The following EPHA4 variants were observed in gnomAD, a reference collection of about 807,000 sequenced individuals.
EPHA4 encodes the protein ephrin type-A receptor 4.
EPHA4 carries 19 observed loss-of-function variants against 108.3 expected under a neutral mutation model. That is an observed-to-expected ratio of 0.18 (90% CI 0.12 to 0.26). The LOEUF (loss-of-function observed/expected upper bound fraction) is 0.26, where lower values mean the gene tolerates loss of function less well. EPHA4 is among the 10% of genes least tolerant of loss of function. EPHA4 has a pLI of 1.00. For missense variants in EPHA4, 917 were observed against 1,254.0 expected, an observed-to-expected ratio of 0.73 and a Z score of 4.06; for synonymous variants, 449 against 455.5, an observed-to-expected ratio of 0.99 and a Z score of 0.18.
At chr2:221,527,313 G>T (rs571710877) in intron 3 of EPHA4, among the ~76,000 whole-genome samples, 1 of 152,270 alleles carries the variant, frequency 6.6e-6, no homozygotes, top group South Asian at 2.1e-4. Flanking sequence ...ATGTCCACGT[G>T]CACATATTCA....
upstream of EPHA4, chr2:221,573,540 C>A (rs946615106): frequency 2.0e-5 from 3 of 152,346 alleles, no homozygotes; most frequent in Non-Finnish European, 4.4e-5. The surrounding 1 kb of genome is among the most constrained non-coding windows in gnomAD (Gnocchi z 4.5). Flanking sequence ...AGCAATGAGG[C>A]CTCCCTTCCC....
chr2:221,492,895 T>G (rs1433954098), intron 4 of EPHA4, among the ~76,000 whole-genome samples: 1 of 152,240 alleles, frequency 6.6e-6, no homozygotes. Context: ...GAATGCAGTA[T>G]GAAACTATAC....
In EPHA4 at chr2:221,420,168, T is replaced by C. The variant is rs1176167497; in HGVS notation, c.*1204A>G. 6.6e-6 allele frequency: 1 copy of C among 152,638 alleles called. No homozygotes were observed. The highest frequency in any genetic ancestry group is 1.5e-5 in the Non-Finnish European group (1 of 68,042). The allele number at this position is 152,638 out of a possible 1,614,324, so 9.5% of individuals were successfully genotyped here. A position where few individuals can be genotyped will look rare whatever the true frequency, so the allele number is the denominator to read the frequency against. ...GTGTCCATAGTAAGACCTGTAGCATTTGGTCACTTGCTGCCACACCAATGC... is the reference window on the plus strand; with the variant it reads ...GTGTCCATAGTAAGACCTGTAGCATCTGGTCACTTGCTGCCACACCAATGC... On this transcript the variant is annotated 3_prime_UTR_variant, in exon 18 of 18. Transcript: ENST00000281821.
intron 3 of EPHA4, among the ~76,000 whole-genome samples, chr2:221,561,972 C>T (rs777579449): frequency 3.3e-5 from 5 of 152,184 alleles, no homozygotes; most frequent in Non-Finnish European, 7.3e-5. Context: ...AATGTGATGG[C>T]ATGTCATTGC....
Position 221,463,191 on chromosome 2 carries a change from C to T in EPHA4, c.1319-5201G>A, listed in dbSNP as rs537778816. ...GAACAGACTCTGTTTTTCCACATAC[C>T]AAATGGACACAAGTGAAATTGTAGC... On this transcript the variant is annotated intron_variant, in intron 5 of 17. Transcript: ENST00000281821. Among the ~76,000 whole-genome samples, 163 of 152,200 alleles carry T rather than the reference C, an allele frequency of 1.1e-3. 1 individual carries two copies. The highest frequency in any genetic ancestry group is 1.9e-3 in the Non-Finnish European group (126 of 68,014).
At chr2:221,498,074 A>G (rs1282206600) in intron 4 of EPHA4, among the ~76,000 whole-genome samples, 1 of 152,228 alleles carries the variant, frequency 6.6e-6, no homozygotes, top group Admixed American at 6.5e-5. Flanking sequence ...CCAGCAACAC[A>G]GACATATGGC....
chr2:221,548,713 G>C (rs2106196827), intron 3 of EPHA4, among the ~76,000 whole-genome samples: 1 of 152,224 alleles, frequency 6.6e-6, no homozygotes. Context: ...GGGATTGTTG[G>C]AAGAGCTTCT....
chr2:221,478,375 T>G (rs1404631270), intron 5 of EPHA4, among the ~76,000 whole-genome samples: 2 of 152,142 alleles, frequency 1.3e-5, no homozygotes, highest in Admixed American at 1.3e-4. Flanking sequence ...AGAAAACAAA[T>G]CACCCAGCAG....
chr2:221,418,389 T>G lies in EPHA4; in HGVS notation c.*2983A>C, dbSNP rs1230057663. The G allele has an allele frequency of 6.6e-6, 1 of 152,640 alleles. No individual in the cohort carries two copies. Among genetic ancestry groups the G allele is most frequent in the Non-Finnish European group, 1.5e-5 (1 of 68,034 alleles). The allele number at this position is 152,640 out of a possible 1,614,324, so 9.5% of individuals were successfully genotyped here. On this transcript the variant is annotated 3_prime_UTR_variant, in exon 18 of 18. Coordinates refer to ENST00000281821, the MANE Select transcript of EPHA4 (RefSeq NM_004438.5). ...TACAAAAAATAAACGCACTCTTCAG[T>G]GTGTATCAATGCTTGATGTTGTTTG...
chr2:221,563,629 A>G lies in EPHA4; in HGVS notation c.823+102T>C. ...AGACCCCTGTGTCCCACCACATCCCACAGGGGCTACTAATTACTGGCTTTA... is the reference window on the plus strand; with the variant it reads ...AGACCCCTGTGTCCCACCACATCCCGCAGGGGCTACTAATTACTGGCTTTA... On this transcript the variant is annotated intron_variant, in intron 3 of 17. Coordinates refer to ENST00000281821, the MANE Select transcript of EPHA4 (RefSeq NM_004438.5). 3 of 1,396,912 alleles carry G rather than the reference A, an allele frequency of 2.1e-6. No homozygotes were observed. In the South Asian group the frequency reaches 4.0e-5, roughly 19 times the overall value. The allele number at this position is 1,396,912 out of a possible 1,614,324, so 86.5% of individuals were successfully genotyped here.
chr2:221,421,474 G>A (rs569936509), intron 17 of EPHA4, among the ~76,000 whole-genome samples: 1 of 152,316 alleles, frequency 6.6e-6, no homozygotes, highest in Admixed American at 6.5e-5. Flanking sequence ...GGGACACAGG[G>A]AGATACTTGC....
chr2:221,560,038 TC>T (rs1413764046), intron 3 of EPHA4, among the ~76,000 whole-genome samples: 1 of 152,114 alleles, frequency 6.6e-6, no homozygotes, highest in African/African-American at 2.4e-5. Context: ...TGTAGTTCTG[TC>T]CCCAAGGTCC....
At chr2:221,467,112 TC>T (rs1476241209) in intron 5 of EPHA4, among the ~76,000 whole-genome samples, 10 of 152,156 alleles carry the variant, frequency 6.6e-5, no homozygotes, top group African/African-American at 2.2e-4. Flanking sequence ...TTTGAACTAA[TC>T]TAAAGAGCTA....
At chr2:221,481,194 T>C (rs183580344) in intron 5 of EPHA4, among the ~76,000 whole-genome samples, 1 of 152,258 alleles carries the variant, frequency 6.6e-6, no homozygotes, top group Non-Finnish European at 1.5e-5. Flanking sequence ...TTTCAAAATA[T>C]TTGATATTCA....
intron 4 of EPHA4, among the ~76,000 whole-genome samples, chr2:221,493,956 TATCA>T (rs1248483792): frequency 6.6e-6 from 1 of 152,222 alleles, no homozygotes; most frequent in African/African-American, 2.4e-5. Flanking sequence ...CACGTCTAAG[TATCA>T]ATCAATCACT....
chr2:221,443,987 A>T (rs965899607), intron 9 of EPHA4, among the ~76,000 whole-genome samples: 8 of 152,232 alleles, frequency 5.3e-5, no homozygotes, highest in African/African-American at 1.9e-4. Context: ...TAGGGAAGGA[A>T]ATAGAAGCAT....
At chr2:221,438,521 C>T (rs777909820) in intron 11 of EPHA4, among the ~76,000 whole-genome samples, 12 of 152,066 alleles carry the variant, frequency 7.9e-5, no homozygotes, top group Non-Finnish European at 1.5e-4. Context: ...GGCACGGTGG[C>T]TCACACCTGC....
At chr2:221,499,088 C>A (rs1221501112) in intron 4 of EPHA4, among the ~76,000 whole-genome samples, 7 of 151,684 alleles carry the variant, frequency 4.6e-5, no homozygotes, top group Admixed American at 3.3e-4. Context: ...CTGCATCTAA[C>A]CTTTTTAACA....
intron 16 of EPHA4, 147 bp from the exon 17 acceptor site, chr2:221,426,289 T>C (rs1355278879): frequency 1.9e-6 from 2 of 1,029,114 alleles, no homozygotes; most frequent in East Asian, 5.1e-5. Flanking sequence ...CATTAAGCAA[T>C]TTAATGCAAG....
Sources: gnomAD v4.1 joint callset for allele counts (sites outside exome capture counted in the v4.1 genomes callset) on GRCh38, gnomAD v4.1.1 for gene constraint, Gnocchi (gnomAD v3.1) non-coding constraint, MANE v1.5 for transcripts, NCBI Gene and HGNC (gene_info 2026-07-23, HGNC 2026-07-21) for gene names.